Variants in NEDD4L observed in about 807,000 individuals in gnomAD.
NEDD4L encodes E3 ubiquitin-protein ligase NEDD4-like.
NEDD4L carries 54 observed loss-of-function variants against 148.9 expected under a neutral mutation model. The ratio of observed to expected loss-of-function variants is 0.36; its 90% CI spans 0.29 to 0.45. The LOEUF (loss-of-function observed/expected upper bound fraction) is 0.45, where lower values mean the gene tolerates loss of function less well. Among genes scored for constraint, NEDD4L ranks in the 20% least tolerant of loss-of-function variants. NEDD4L has a pLI of 1.00. For synonymous variants in NEDD4L, 433 were observed against 440.7 expected, an observed-to-expected ratio of 0.98 and a Z score of 0.22; for missense variants, 856 against 1,233.8, an observed-to-expected ratio of 0.69 and a Z score of 4.59.
At chr18:58,191,671 C>A (rs1360864053) in intron 2 of NEDD4L, among the ~76,000 whole-genome samples, 1 of 152,192 alleles carries the variant, frequency 6.6e-6, no homozygotes, top group Non-Finnish European at 1.5e-5. Context: ...ACTCCTGCCA[C>A]CCTCAGTGTG....
At chr18:58,110,243 C>G (rs2085336981) in intron 1 of NEDD4L, among the ~76,000 whole-genome samples, 1 of 152,212 alleles carries the variant, frequency 6.6e-6, no homozygotes, top group South Asian at 2.1e-4. Context: ...CCAAAGGTAG[C>G]TGGCCAGCCA....
intron 5 of NEDD4L, chr18:58,255,353 C>G: frequency 2.9e-6 from 1 of 347,322 alleles, no homozygotes; most frequent in Non-Finnish European, 4.8e-6. Context: ...GAAAACTCCT[C>G]TAAGTCCAGA....
At chr18:58,164,533 G>C (rs1444473652) in intron 1 of NEDD4L, among the ~76,000 whole-genome samples, 1 of 152,192 alleles carries the variant, frequency 6.6e-6, no homozygotes, top group Non-Finnish European at 1.5e-5. Context: ...GTGCAGTGGT[G>C]TGATCTTGGC....
intron 1 of NEDD4L, among the ~76,000 whole-genome samples, chr18:58,161,120 G>A (rs1277656070): frequency 6.6e-6 from 1 of 152,002 alleles, no homozygotes; most frequent in Non-Finnish European, 1.5e-5. Context: ...GGGTTCAAGC[G>A]ATTCTCCTGC....
chr18:58,308,705 G>A (rs961358468), intron 5 of NEDD4L, among the ~76,000 whole-genome samples: 41 of 152,338 alleles, frequency 2.7e-4, no homozygotes, highest in Non-Finnish European at 5.6e-4. Flanking sequence ...CTCAGCACGA[G>A]TCTCAGGCAG....
At chr18:58,045,218 G>C (rs577977433) in intron 1 of NEDD4L, 9 of 398,302 alleles carry the variant, frequency 2.3e-5, no homozygotes, top group Middle Eastern at 1.3e-3. Context: ...TGCTTATCCC[G>C]GCGGGAATGG....
chr18:58,215,459 T>C (rs2043071369), intron 2 of NEDD4L, among the ~76,000 whole-genome samples: 1 of 152,234 alleles, frequency 6.6e-6, no homozygotes, highest in South Asian at 2.1e-4. Context: ...TCCTTTGACC[T>C]ATTAATTTTT....
chr18:58,330,389 T>C (rs542759491), intron 10 of NEDD4L, among the ~76,000 whole-genome samples: 8 of 152,318 alleles, frequency 5.3e-5, no homozygotes, highest in South Asian at 2.1e-4. Flanking sequence ...CCCACACATA[T>C]AGTAACAAGT....
intron 5 of NEDD4L, among the ~76,000 whole-genome samples, chr18:58,252,983 A>G (rs1158364355): frequency 6.6e-6 from 1 of 152,248 alleles, no homozygotes; most frequent in African/African-American, 2.4e-5. Context: ...GAAAATGAAC[A>G]CTATCATGTT....
intron 5 of NEDD4L, among the ~76,000 whole-genome samples, chr18:58,293,551 A>G (rs1260380799): frequency 6.6e-6 from 1 of 152,242 alleles, no homozygotes; most frequent in African/African-American, 2.4e-5. Context: ...TCCATCAACC[A>G]TGCGCTATGA....
intron 1 of NEDD4L, among the ~76,000 whole-genome samples, chr18:58,060,517 G>A (rs1210608445): frequency 1.3e-5 from 2 of 152,102 alleles, no homozygotes; most frequent in Admixed American, 6.5e-5. Context: ...TGGTGATGAC[G>A]GTGAAAATGA....
chr18:58,151,865 C>T (rs1324951701), intron 1 of NEDD4L, among the ~76,000 whole-genome samples: 1 of 151,802 alleles, frequency 6.6e-6, no homozygotes, highest in Non-Finnish European at 1.5e-5. Context: ...CTAGGACCAC[C>T]CCAATGGCTT....
chr18:58,363,197 T>G (rs370264044), intron 19 of NEDD4L, among the ~76,000 whole-genome samples: 6 of 152,222 alleles, frequency 3.9e-5, no homozygotes, highest in African/African-American at 1.4e-4. Flanking sequence ...TAAACATGTC[T>G]TAAAACTATA....
At chr18:58,180,015 C>T (rs2146948845) in intron 2 of NEDD4L, among the ~76,000 whole-genome samples, 1 of 152,302 alleles carries the variant, frequency 6.6e-6, no homozygotes, top group Middle Eastern at 3.4e-3. Flanking sequence ...ACTCCTCAAG[C>T]AGCGTCCATA....
At chr18:58,231,075 CCT>C (rs562206459) in intron 2 of NEDD4L, among the ~76,000 whole-genome samples, 71 of 151,668 alleles carry the variant, frequency 4.7e-4, no homozygotes, top group African/African-American at 1.7e-3. Flanking sequence ...TGGGAAAACC[CCT>C]GTCTCTACAA....
At chr18:58,225,629 A>T (rs1386069670) in intron 2 of NEDD4L, among the ~76,000 whole-genome samples, 1 of 152,142 alleles carries the variant, frequency 6.6e-6, no homozygotes, top group East Asian at 1.9e-4. Context: ...GGTGAAATTC[A>T]TTTATTCAGC....
intron 1 of NEDD4L, among the ~76,000 whole-genome samples, chr18:58,080,887 TAAG>T (rs2083394942): frequency 6.6e-6 from 1 of 152,034 alleles, no homozygotes; most frequent in Admixed American, 6.6e-5. Context: ...ATCAAGCTCT[TAAG>T]AAAGCAGTTT....
At chr18:58,381,858 C>T (rs920296939) in intron 24 of NEDD4L, among the ~76,000 whole-genome samples, 2 of 152,182 alleles carry the variant, frequency 1.3e-5, no homozygotes, top group Non-Finnish European at 2.9e-5. Flanking sequence ...AGCTGTTTGG[C>T]ATCCTCCATC....
At chr18:58,233,988 C>G (rs2045576607) in intron 2 of NEDD4L, among the ~76,000 whole-genome samples, 3 of 152,146 alleles carry the variant, frequency 2.0e-5, no homozygotes, top group African/African-American at 4.8e-5. Context: ...TTCCCCTGTT[C>G]ATAAGAACAC....
Sources: gnomAD v4.1 joint callset for allele counts (sites outside exome capture counted in the v4.1 genomes callset) on GRCh38, gnomAD v4.1.1 for gene constraint, MANE v1.5 for transcripts, NCBI Gene and HGNC (gene_info 2026-07-23, HGNC 2026-07-21) for gene names.